Variants in LRP6 observed in about 807,000 individuals in gnomAD.
LRP6 encodes LDL receptor related protein 6.
LRP6 carries 43 observed loss-of-function variants against 184.1 expected under a neutral mutation model. The observed-to-expected ratio is 0.23, with a 90% confidence interval of 0.18 to 0.30. The LOEUF (loss-of-function observed/expected upper bound fraction) is 0.30. Ranked by LOEUF, LRP6 falls within the 10% of genes least tolerant of loss-of-function variation. The probability of loss-of-function intolerance (pLI) is 1.00; values close to 1 mark genes in which losing one functional copy is unlikely to be tolerated. For missense variants in LRP6, 1,571 were observed against 2,005.3 expected, an observed-to-expected ratio of 0.78 and a Z score of 4.14; for synonymous variants, 719 against 684.9, an observed-to-expected ratio of 1.05 and a Z score of -0.78.
intron 2 of LRP6, among the ~76,000 whole-genome samples, chr12:12,236,265 G>A (rs1050996830): frequency 6.6e-6 from 1 of 152,000 alleles, no homozygotes; most frequent in Admixed American, 6.6e-5. Flanking sequence ...CAAACAATGA[G>A]GGCATGTACA....
intron 12 of LRP6, among the ~76,000 whole-genome samples, chr12:12,157,183 T>C (rs1862609838): frequency 6.6e-6 from 1 of 152,188 alleles, no homozygotes; most frequent in Non-Finnish European, 1.5e-5. Context: ...ATGTCTCTTC[T>C]CCGATGATAG....
chr12:12,208,196 T>A (rs558386375), intron 2 of LRP6, among the ~76,000 whole-genome samples: 7 of 152,364 alleles, frequency 4.6e-5, no homozygotes, highest in Admixed American at 2.0e-4. Flanking sequence ...GATCCCATTA[T>A]ATGAAGCTAT....
intron 3 of LRP6, among the ~76,000 whole-genome samples, chr12:12,198,530 C>CTTTTTTT (rs56150307): frequency 5.2e-5 from 4 of 76,984 alleles, no homozygotes; most frequent in Non-Finnish European, 5.0e-5. Flanking sequence ...GAATTTTTCT[C>CTTTTTTT]TTTTTTTTTT....
At chr12:12,145,059 A>T (rs76555958) in intron 15 of LRP6, among the ~76,000 whole-genome samples, 10 of 149,678 alleles carry the variant, frequency 6.7e-5, no homozygotes, top group African/African-American at 2.0e-4. Context: ...ACTTATAATT[A>T]AAAAAAAAAC....
At chr12:12,202,911 T>A (rs1863953686) in intron 3 of LRP6, among the ~76,000 whole-genome samples, 1 of 152,182 alleles carries the variant, frequency 6.6e-6, no homozygotes, top group Non-Finnish European at 1.5e-5. Context: ...CTCTACACAT[T>A]TCCAAACAAA....
In LRP6 at chr12:12,135,245, C is replaced by T; in HGVS notation, c.3663G>A (p.Lys1221=). 1 of 1,612,448 alleles carries T rather than the reference C, an allele frequency of 6.2e-7. No homozygotes were observed. Among genetic ancestry groups the T allele is most frequent in the South Asian group, 1.1e-5 (1 of 91,048 alleles). ...NGGCSHICLV[K]GDGTTRCSCP... ...AAGAACACCTTGTAGTACCATCCCC[C>T]TTTACAAGACAAATATGTGAACAGC... Residue 1221 remains lysine, a synonymous_variant, in exon 17 of 23, where the codon AAG becomes AAA. Coordinates refer to ENST00000261349, the MANE Select transcript of LRP6 (RefSeq NM_002336.3).
At chr12:12,200,524 T>C (rs572663710) in intron 3 of LRP6, among the ~76,000 whole-genome samples, 3 of 152,312 alleles carry the variant, frequency 2.0e-5, no homozygotes, top group Non-Finnish European at 4.4e-5. Flanking sequence ...TTGTTTTCAC[T>C]TCAACATTTT....
chr12:12,182,082 A>G (rs1241932033), intron 5 of LRP6, among the ~76,000 whole-genome samples: 1 of 152,204 alleles, frequency 6.6e-6, no homozygotes, highest in Admixed American at 6.5e-5. Flanking sequence ...GGAACCAGAT[A>G]AACATAACAC....
chr12:12,242,905 T>C (rs1377180563), intron 2 of LRP6, among the ~76,000 whole-genome samples: 1 of 152,200 alleles, frequency 6.6e-6, no homozygotes, highest in African/African-American at 2.4e-5. Flanking sequence ...AGGCCTGATA[T>C]CAAGATAAAG....
chr12:12,198,105 G>A lies in LRP6; in HGVS notation c.647+5098C>T, dbSNP rs543133410. Reference sequence around the variant, plus strand: ...GGCTAATTTTTGTATTTTTTGTAGAGGCAGGGTTTCACCATGTTGGCCAGG... The same window carrying A: ...GGCTAATTTTTGTATTTTTTGTAGAAGCAGGGTTTCACCATGTTGGCCAGG... On this transcript the variant is annotated intron_variant, in intron 3 of 22. Transcript: ENST00000261349. Among the ~76,000 whole-genome samples the A allele has an allele frequency of 3.9e-5, 6 of 152,310 alleles. 1 individual carries two copies. In the South Asian group the frequency reaches 1.2e-3, roughly 32 times the overall value.
intron 3 of LRP6, among the ~76,000 whole-genome samples, chr12:12,199,565 C>G (rs1863859050): frequency 6.6e-6 from 1 of 152,300 alleles, no homozygotes; most frequent in African/African-American, 2.4e-5. Context: ...TCTCAGACAG[C>G]TTTCTGATGG....
intron 2 of LRP6, among the ~76,000 whole-genome samples, chr12:12,207,598 TG>T (rs1864098969): frequency 6.6e-6 from 1 of 151,930 alleles, no homozygotes; most frequent in Non-Finnish European, 1.5e-5. Flanking sequence ...CTGACTCTGG[TG>T]GGGGCAAGCA....
chr12:12,147,489 C>T lies in LRP6; in HGVS notation c.3274G>A (p.Glu1092Lys). The T allele has an allele frequency of 6.2e-7, 1 of 1,614,096 alleles. No individual in the cohort carries two copies. The highest frequency in any genetic ancestry group is 8.5e-7 in the Non-Finnish European group (1 of 1,180,006). Residue 1092 changes from glutamate to lysine, a missense_variant, in exon 15 of 23, where the codon GAA becomes AAA. Physicochemically the swap from Glu to Lys is moderately conservative, Grantham distance 56. Transcript: ENST00000261349. ...CCACTGAAAAAGAGGACCTCCCGTT[C>T]TGTCCCATCCAAAGCAGCCCGTTCA... is the stretch of plus-strand genomic sequence containing the variant. ...KIERAALDGT[E>K]REVLFFSGLS...
intron 1 of LRP6, among the ~76,000 whole-genome samples, chr12:12,263,293 T>C (rs938110103): frequency 5.4e-5 from 7 of 129,082 alleles, no homozygotes; most frequent in Non-Finnish European, 6.5e-5. Context: ...TGTGTGAATC[T>C]GGCCGGGCGT....
Position 12,119,987 on chromosome 12 carries a change from C to CAAACAAACAAACAAAAAAAAAAA in LRP6, c.*1138_*1139insTTTTTTTTTTTGTTTGTTTGTTT, listed in dbSNP as rs567315765. 2.8e-4 allele frequency: 12 copies of CAAACAAACAAACAAAAAAAAAAA among 42,932 alleles called. No homozygotes were observed. Among genetic ancestry groups the CAAACAAACAAACAAAAAAAAAAA allele is most frequent in the African/African-American group, 3.7e-4 (4 of 10,958 alleles). 2.7% of individuals were successfully genotyped at this position (42,932 alleles called of 1,614,324 possible). A position where few individuals can be genotyped will look rare whatever the true frequency, so the allele number is the denominator to read the frequency against. On this transcript the variant is annotated 3_prime_UTR_variant, in exon 23 of 23. Transcript: ENST00000261349. ...TTTACTCAGAAAACAAACAAACAAACAAAATATATATATATATATATATAT... is the reference window on the plus strand; with the variant it reads ...TTTACTCAGAAAACAAACAAACAAACAAACAAACAAACAAAAAAAAAAAAAAATATATATATATATATATATAT...
rs1234194247 is a variant in LRP6, at chr12:12,138,325, T to G, written c.3607A>C (p.Arg1203=). 6.2e-7 allele frequency: 1 copy of G among 1,611,718 alleles called. No homozygotes were observed. The highest frequency in any genetic ancestry group is 8.5e-7 in the Non-Finnish European group (1 of 1,177,784). ...TTAGCTTTATCCCATTAACACTTACTGTATTCTTGAAGGTTCAGCTCCTTT... is the reference window on the plus strand; with the variant it reads ...TTAGCTTTATCCCATTAACACTTACGGTATTCTTGAAGGTTCAGCTCCTTT... ...AVKELNLQEY[R]QHPCAQDNGG... The change falls in exon 16 of 23, where the codon AGA becomes CGA. Residue 1203 remains arginine (R), a splice_region_variant and synonymous_variant. Transcript: ENST00000261349.
At chr12:12,197,281 C>CA (rs1863787756) in intron 3 of LRP6, among the ~76,000 whole-genome samples, 2 of 152,322 alleles carry the variant, frequency 1.3e-5, no homozygotes, top group South Asian at 4.1e-4. Flanking sequence ...GACAATGTTC[C>CA]AGCTCAGCAT....
At chr12:12,177,605 G>A (rs2136981921) in intron 7 of LRP6, among the ~76,000 whole-genome samples, 1 of 152,186 alleles carries the variant, frequency 6.6e-6, no homozygotes, top group African/African-American at 2.4e-5. Context: ...AACATAAGAA[G>A]AGAATAAATA....
intron 1 of LRP6, among the ~76,000 whole-genome samples, chr12:12,261,066 C>G (rs2135945927): frequency 6.6e-6 from 1 of 152,228 alleles, no homozygotes; most frequent in South Asian, 2.1e-4. Context: ...TATAAGGACA[C>G]AGTAGTTCAG....
Sources: allele counts gnomAD v4.1 joint callset (sites outside exome capture counted in the v4.1 genomes callset), GRCh38; gene constraint gnomAD v4.1.1; transcripts MANE v1.5; gene names NCBI Gene and HGNC (gene_info 2026-07-23, HGNC 2026-07-21).